TENM2: variants seen among roughly 807,000 people sequenced by gnomAD.
The protein encoded by TENM2 is teneurin transmembrane protein 2, also known as teneurin-2.
In TENM2, 52 loss-of-function variants were observed where a neutral mutation model predicts 245.2. The ratio of observed to expected loss-of-function variants is 0.21; its 90% CI spans 0.17 to 0.27. TENM2 has a LOEUF of 0.27. Among genes scored for constraint, TENM2 ranks in the 10% least tolerant of loss-of-function variants. The probability of loss-of-function intolerance (pLI) is 1.00; values close to 1 mark genes in which losing one functional copy is unlikely to be tolerated. For missense variants in TENM2, 3,046 were observed against 3,666.8 expected, an observed-to-expected ratio of 0.83 and a Z score of 4.37; for synonymous variants, 1,363 against 1,438.9, an observed-to-expected ratio of 0.95 and a Z score of 1.19.
chr5:168,158,196 T>C (rs1757363073), intron 12 of TENM2, among the ~76,000 whole-genome samples: 1 of 152,158 alleles, frequency 6.6e-6, no homozygotes, highest in Non-Finnish European at 1.5e-5. Flanking sequence ...GTGGGTTTTT[T>C]TAAATCCCAA....
At chr5:167,365,583 A>G (rs1324078602) in intron 1 of TENM2, among the ~76,000 whole-genome samples, 1 of 151,982 alleles carries the variant, frequency 6.6e-6, no homozygotes, top group Non-Finnish European at 1.5e-5. Context: ...TTAGAGATTT[A>G]CACATATTAA....
chr5:167,524,603 C>T (rs1012010658), intron 2 of TENM2, among the ~76,000 whole-genome samples: 6 of 151,956 alleles, frequency 3.9e-5, no homozygotes, highest in Admixed American at 2.6e-4. Flanking sequence ...TGCTTTTTAA[C>T]GAGCTCCCAA....
chr5:167,380,491 C>T (rs1201175990), intron 2 of TENM2, among the ~76,000 whole-genome samples: 2 of 152,158 alleles, frequency 1.3e-5, no homozygotes, highest in African/African-American at 2.4e-5. Context: ...TTCAGTACTG[C>T]ACTTTCCAGA....
At chr5:167,166,350 G>A in the TENM2 span, among the ~76,000 whole-genome samples, 26 of 152,062 alleles carry the variant, frequency 1.7e-4, no homozygotes, top group African/African-American at 5.8e-4. Context: ...GGTTTCCCTG[G>A]TCACTAATAT....
intron 5 of TENM2, among the ~76,000 whole-genome samples, chr5:168,005,744 G>C (rs140448205): frequency 7.0e-4 from 107 of 152,270 alleles, no homozygotes; most frequent in African/African-American, 2.5e-3. Context: ...AAAATTCTTT[G>C]TGTTGTATAG....
In TENM2 at chr5:168,012,774, G is replaced by GAAAA. The variant is rs3056563; in HGVS notation, c.1186+19612_1186+19615dup. Reference sequence around the variant, plus strand: ...CAGCTGTAAGTTATCAAGAACAACTGAAAAAAAAAAAAAAAAAAAAAAACC... The same window carrying GAAAA: ...CAGCTGTAAGTTATCAAGAACAACTGAAAAAAAAAAAAAAAAAAAAAAAAAAACC... On this transcript the variant is annotated intron_variant, in intron 5 of 28. Transcript: ENST00000518659. 2.0e-3 allele frequency among the ~76,000 whole-genome samples: 145 copies of GAAAA among 74,260 alleles called. 3 individuals carry two copies. Among genetic ancestry groups the GAAAA allele is most frequent in the African/African-American group, 6.6e-3 (129 of 19,444 alleles). 48.7% of individuals were successfully genotyped at this position (74,260 alleles called of 152,430 possible).
chr5:168,204,752 C>G, intron 19 of TENM2, 131 bp downstream of exon 21: 2 of 1,200,162 alleles, frequency 1.7e-6, no homozygotes, highest in Non-Finnish European at 1.1e-6. Flanking sequence ...AACCTAGGCC[C>G]AGAATCAAAT....
chr5:167,423,097 T>TC (rs1447309431), intron 2 of TENM2, among the ~76,000 whole-genome samples: 2 of 152,092 alleles, frequency 1.3e-5, no homozygotes, highest in Non-Finnish European at 2.9e-5. Context: ...CTTCATTTTT[T>TC]TTTTAGCAAT....
intron 2 of TENM2, among the ~76,000 whole-genome samples, chr5:167,497,235 T>C (rs1768879966): frequency 6.6e-6 from 1 of 152,052 alleles, no homozygotes; most frequent in Non-Finnish European, 1.5e-5. Flanking sequence ...TGCTCCTCAC[T>C]TTCTTCCCTC....
At chr5:167,244,393 A>G in the TENM2 span, among the ~76,000 whole-genome samples, 2 of 152,206 alleles carry the variant, frequency 1.3e-5, no homozygotes, top group Non-Finnish European at 2.9e-5. Context: ...AATTATATTT[A>G]AAGAAAAACA....
intron 2 of TENM2, among the ~76,000 whole-genome samples, chr5:167,860,137 G>T (rs1771610640): frequency 1.0e-5 from 1 of 98,702 alleles, no homozygotes. Context: ...GCCCCTACTG[G>T]GAAGTGAGGA....
chr5:167,587,785 G>A (rs1468140159), intron 2 of TENM2, among the ~76,000 whole-genome samples: 1 of 152,148 alleles, frequency 6.6e-6, no homozygotes, highest in Non-Finnish European at 1.5e-5. Flanking sequence ...TTCTCAGTAT[G>A]TCAAAACAAA....
intron 1 of TENM2, among the ~76,000 whole-genome samples, chr5:167,332,077 A>G (rs1757493099): frequency 1.3e-5 from 2 of 152,186 alleles, no homozygotes; most frequent in African/African-American, 4.8e-5. Context: ...TTATTTCTAT[A>G]TTCCCAGCAT....
the TENM2 span, among the ~76,000 whole-genome samples, chr5:167,103,576 A>G: frequency 1.3e-5 from 2 of 152,154 alleles, no homozygotes; most frequent in East Asian, 1.9e-4. Context: ...GCCTATTTAC[A>G]TCACTACTGT....
chr5:168,173,340 A>G (rs1267595952), intron 13 of TENM2, among the ~76,000 whole-genome samples: 3 of 152,128 alleles, frequency 2.0e-5, no homozygotes, highest in East Asian at 1.9e-4. Flanking sequence ...GCTTTTGTCA[A>G]TGCTGCGTTG....
the TENM2 span, among the ~76,000 whole-genome samples, chr5:167,020,822 G>T: frequency 1.3e-5 from 2 of 152,154 alleles, no homozygotes; most frequent in Non-Finnish European, 2.9e-5. Context: ...TCTGAAAAAA[G>T]ATATTAAAGG....
chr5:167,223,795 A>G, the TENM2 span, among the ~76,000 whole-genome samples: 1 of 151,612 alleles, frequency 6.6e-6, no homozygotes, highest in Admixed American at 6.6e-5. Context: ...GTACTAATTT[A>G]CATTCTCATC....
chr5:167,928,692 G>A (rs1483299401), intron 3 of TENM2, among the ~76,000 whole-genome samples: 4 of 151,704 alleles, frequency 2.6e-5, no homozygotes, highest in African/African-American at 9.7e-5. Flanking sequence ...TCAGGAGTTC[G>A]AGACCAGCCT....
In TENM2 at chr5:168,153,218, TA is replaced by T. The variant is rs1187826144; in HGVS notation, c.2423-9384del. 6.6e-5 allele frequency among the ~76,000 whole-genome samples: 10 copies of T among 150,940 alleles called. No homozygotes were observed. In the South Asian group the frequency reaches 1.1e-3, roughly 16 times the overall value. Reference sequence around the variant, plus strand: ...GCACATAGGAATCACCTGGGTAGCTTAAAAAAAAAGGAAAGAAACTGATGTC... The same window carrying T: ...GCACATAGGAATCACCTGGGTAGCTTAAAAAAAAGGAAAGAAACTGATGTC... On this transcript the variant is annotated intron_variant, in intron 12 of 28. Transcript: ENST00000518659.
Sources: gnomAD v4.1 joint callset for allele counts (sites outside exome capture counted in the v4.1 genomes callset) on GRCh38, gnomAD v4.1.1 for gene constraint, MANE v1.5 for transcripts, NCBI Gene and HGNC (gene_info 2026-07-23, HGNC 2026-07-21) for gene names.